FBXW12: variants seen among roughly 807,000 people sequenced by gnomAD.
The protein encoded by FBXW12 is F-box and WD repeat domain containing 12.
A neutral mutation model predicts 55.3 loss-of-function variants in FBXW12; 43 were observed. The observed-to-expected ratio is 0.78, with a 90% CI of 0.61 to 1.00. FBXW12 has a LOEUF of 1.00. FBXW12 is among the 50% of genes least tolerant of loss of function. FBXW12 has a pLI of 0.00. For missense variants in FBXW12, 524 were observed against 560.5 expected (o/e 0.93, Z 0.66); for synonymous variants, 184 against 203.8 (o/e 0.90, Z 0.83).
intron 10 of FBXW12, among the ~76,000 whole-genome samples, chr3:48,389,523 C>G (rs1023944165): frequency 6.6e-6 from 1 of 152,086 alleles, no homozygotes; most frequent in Non-Finnish European, 1.5e-5. Flanking sequence ...GAATTACAGG[C>G]ATGTGTCACC....
At chr3:48,380,146 A>T (rs2036745566) in intron 7 of FBXW12, 1 of 151,948 alleles carries the variant, frequency 6.6e-6, no homozygotes, top group Non-Finnish European at 1.5e-5. Flanking sequence ...AAAAAAAAAA[A>T]AATTTTTTTT....
At chr3:48,375,302 T>C in intron 4 of FBXW12, 52 bp from the exon 5 acceptor site, 1 of 1,054,790 alleles carries the variant, frequency 9.5e-7, no homozygotes, top group Non-Finnish European at 1.5e-6. Context: ...TTCTTTTGGT[T>C]TGGATCATCC....
chr3:48,377,348 G>C (rs2036699114), intron 5 of FBXW12, among the ~76,000 whole-genome samples: 1 of 152,150 alleles, frequency 6.6e-6, no homozygotes. Context: ...TTCACTCATG[G>C]GTCATCAGCT....
chr3:48,375,954 C>T (rs1575358506), intron 5 of FBXW12, among the ~76,000 whole-genome samples: 1 of 135,106 alleles, frequency 7.4e-6, no homozygotes, highest in Admixed American at 8.0e-5. Context: ...AGATTACAGG[C>T]GTGAGCCACT....
At chr3:48,393,033 T>C (rs2036953650) in intron 10 of FBXW12, among the ~76,000 whole-genome samples, 1 of 148,214 alleles carries the variant, frequency 6.7e-6, no homozygotes, top group Admixed American at 6.8e-5. Flanking sequence ...CTCACTCTCT[T>C]GTCCAGGCTG....
In FBXW12 at chr3:48,380,889, C is replaced by T. The variant is rs760265455; in HGVS notation, c.962C>T (p.Thr321Ile). ...ACCTTTGATCTAACAACCAAGAAGA[C>T]TGGAGGCCAAACAGTCATCCAAGGT... The part of the protein sequence containing the change: ...FITFDLTTKK[T>I]GGQTVIQAYE... Residue 321 changes from threonine (T) to isoleucine (I), a missense_variant, in exon 8 of 11, where the codon ACT becomes ATT. By Grantham distance (89) the Thr-to-Ile change is moderately conservative (BLOSUM62 -1). Transcript: ENST00000296438. 1.2e-6 allele frequency: 2 copies of T among 1,614,022 alleles called. No individual in the cohort carries two copies. The highest frequency in any genetic ancestry group is 2.2e-5 in the South Asian group (2 of 91,084).
At position 48,372,265 on chromosome 3, in the gene FBXW12, A is replaced by C; in HGVS notation, c.-140A>C. The C allele has an allele frequency of 1.3e-6, 2 of 1,552,110 alleles. No homozygotes were observed. The highest frequency in any genetic ancestry group is 1.7e-6 in the Non-Finnish European group (2 of 1,147,042). ...GTTAAATGCGAGAAGGTAGAAACCC[A>C]GAGGCCATGCTGGCGCTGAGAGATG... On this transcript the variant is annotated 5_prime_UTR_variant, in exon 1 of 11. Coordinates refer to ENST00000296438, the MANE Select transcript of FBXW12 (RefSeq NM_207102.2).
intron 10 of FBXW12, among the ~76,000 whole-genome samples, chr3:48,386,021 G>A (rs191210171): frequency 3.3e-5 from 5 of 152,144 alleles, no homozygotes; most frequent in African/African-American, 9.6e-5. Flanking sequence ...ATGCAATCCC[G>A]TTTACCTATT....
chr3:48,381,158 G>A (rs552141403), intron 8 of FBXW12, among the ~76,000 whole-genome samples: 28 of 152,066 alleles, frequency 1.8e-4, no homozygotes, highest in Non-Finnish European at 3.1e-4. Context: ...GAGTAGCTGG[G>A]ACTACAGGTG....
At chr3:48,376,246 T>C (rs977161674) in intron 5 of FBXW12, among the ~76,000 whole-genome samples, 4 of 152,144 alleles carry the variant, frequency 2.6e-5, no homozygotes, top group African/African-American at 9.7e-5. Context: ...CCTCCCAAAG[T>C]GCTGGGATTA....
chr3:48,373,602 C>T lies in FBXW12; in HGVS notation c.183C>T (p.Gly61=), dbSNP rs2036635327. Residue 61 remains glycine, a synonymous_variant, in exon 4 of 11, where the codon GGC becomes GGT. Transcript: ENST00000296438. ...DCSNFTNQHL[G]THTWKQFFLH... is the part of the protein sequence containing the mutation. ...GCAACTTCACCAATCAACACCTGGG[C>T]ACACACACATGGAAGCAATTTTTCC... 6.2e-7 allele frequency: 1 copy of T among 1,614,112 alleles called. No homozygotes were observed. Among genetic ancestry groups the T allele is most frequent in the Admixed American group, 1.7e-5 (1 of 60,016 alleles).
chr3:48,377,979 A>C (rs2036708779), intron 5 of FBXW12, among the ~76,000 whole-genome samples: 1 of 152,178 alleles, frequency 6.6e-6, no homozygotes, highest in Non-Finnish European at 1.5e-5. Context: ...ATGTTTCATG[A>C]GATGTGAAAG....
chr3:48,391,201 T>C (rs1428660017), intron 10 of FBXW12, among the ~76,000 whole-genome samples: 1 of 151,160 alleles, frequency 6.6e-6, no homozygotes, highest in Non-Finnish European at 1.5e-5. Flanking sequence ...TGAAGATCAC[T>C]TGAGCCCAGA....
At chr3:48,393,127 C>G (rs946030262) in intron 10 of FBXW12, among the ~76,000 whole-genome samples, 6 of 152,066 alleles carry the variant, frequency 3.9e-5, no homozygotes, top group African/African-American at 1.4e-4. Flanking sequence ...TCCCAAGTAG[C>G]TGGGACTACA....
rs149271194 is a variant in FBXW12, at chr3:48,378,322, C to T, written c.411C>T (p.Thr137=). The change falls in exon 6 of 11, where the codon ACC becomes ACT. Residue 137 remains threonine (T), a synonymous_variant. Coordinates refer to ENST00000296438, the MANE Select transcript of FBXW12 (RefSeq NM_207102.2). ...ELCAWDVQEG[T]MIWSSPVQEF... ...GTGTTACTCTCGTTTTCTAGGGTAC[C>T]ATGATCTGGTCAAGCCCAGTCCAGG... The T allele has an allele frequency of 1.2e-4, 198 of 1,613,762 alleles. 1 individual carries two copies. The African/African-American group carries it at 2.3e-3, about 19-fold the overall frequency.
intron 10 of FBXW12, among the ~76,000 whole-genome samples, chr3:48,382,291 ATTT>A (rs919825545): frequency 7.2e-5 from 11 of 151,956 alleles, no homozygotes; most frequent in African/African-American, 2.7e-4. Flanking sequence ...TAATTTTTGT[ATTT>A]TTAGTAGAGA....
In FBXW12 at chr3:48,382,064, G is replaced by A. The variant is rs1234264934; in HGVS notation, c.1274G>A (p.Trp425Ter). Residue 425 changes from tryptophan to a stop codon, truncating the protein, a stop_gained, in exon 10 of 11, where the codon TGG (tryptophan) becomes TAG (stop). Transcript: ENST00000296438. LOFTEE classifies it low-confidence loss of function (END_TRUNC). ...LRSCCHLENTWHDHTTDSCIS... is the reference protein window; with the variant it reads ...LRSCCHLENT ...AGCTGCTGTCACCTGGAAAACACGTGGCATGATCACACAACAGACAGGTAA... is the reference window on the plus strand; with the variant it reads ...AGCTGCTGTCACCTGGAAAACACGTAGCATGATCACACAACAGACAGGTAA... 6.2e-7 allele frequency: 1 copy of A among 1,614,008 alleles called. No individual in the cohort carries two copies.
At chr3:48,372,589 G>T in intron 1 of FBXW12, 95 bp from the exon 2 acceptor site, 1 of 1,438,638 alleles carries the variant, frequency 7.0e-7, no homozygotes, top group Non-Finnish European at 9.4e-7. Context: ...TCAGGCCCCA[G>T]GGGAGAGGCC....
intron 10 of FBXW12, among the ~76,000 whole-genome samples, chr3:48,390,436 G>T (rs1424017500): frequency 8.7e-6 from 1 of 114,470 alleles, no homozygotes; most frequent in Non-Finnish European, 1.7e-5. Flanking sequence ...TTTTTTTGAG[G>T]CAGAGTCTTA....
Sources: gnomAD v4.1 joint callset for allele counts (sites outside exome capture counted in the v4.1 genomes callset) on GRCh38, gnomAD v4.1.1 for gene constraint, MANE v1.5 for transcripts, NCBI Gene and HGNC (gene_info 2026-07-23, HGNC 2026-07-21) for gene names.